SORCS3: variants seen among roughly 807,000 people sequenced by gnomAD.
The protein encoded by SORCS3 is VPS10 domain-containing receptor SorCS3.
Under a neutral mutation model 146.3 loss-of-function variants are expected in SORCS3, and 57 were observed. The observed-to-expected ratio is 0.39, with a 90% confidence interval of 0.31 to 0.49. The LOEUF is 0.49. Among genes scored for constraint, SORCS3 ranks in the 20% least tolerant of loss-of-function variants. The pLI is 0.92. For missense variants in SORCS3, 1,341 were observed against 1,575.5 expected, an observed-to-expected ratio of 0.85 and a Z score of 2.52; for synonymous variants, 653 against 618.5, an observed-to-expected ratio of 1.06 and a Z score of -0.83.
chr10:105,154,215 G>A (rs988021573), intron 9 of SORCS3, among the ~76,000 whole-genome samples: 10 of 152,048 alleles, frequency 6.6e-5, no homozygotes, highest in Non-Finnish European at 1.2e-4. Context: ...GACCTTTATC[G>A]GGCCAGAAGG....
chr10:104,758,329 G>C (rs1223894969), intron 1 of SORCS3, among the ~76,000 whole-genome samples: 3 of 152,160 alleles, frequency 2.0e-5, no homozygotes, highest in African/African-American at 7.2e-5. Flanking sequence ...ATTTTTGCAG[G>C]GGTGGGTGGA....
At chr10:104,672,477 C>G (rs1387743856) in intron 1 of SORCS3, among the ~76,000 whole-genome samples, 1 of 151,860 alleles carries the variant, frequency 6.6e-6, no homozygotes, top group African/African-American at 2.4e-5. Flanking sequence ...CTGTTCTGAC[C>G]TTTATTTTTC....
chr10:104,917,002 A>T (rs190872537), intron 3 of SORCS3, among the ~76,000 whole-genome samples: 1 of 152,308 alleles, frequency 6.6e-6, no homozygotes, highest in East Asian at 1.9e-4. Flanking sequence ...GTGCATCCAT[A>T]GACTTTCTCC....
chr10:105,027,845 G>A (rs537435224), intron 4 of SORCS3, among the ~76,000 whole-genome samples: 1 of 152,306 alleles, frequency 6.6e-6, no homozygotes, highest in African/African-American at 2.4e-5. Flanking sequence ...GATGTCCCTT[G>A]TGGAGAAACA....
chr10:105,183,594 G>C lies in SORCS3; in HGVS notation c.2009+5421G>C, dbSNP rs1023076850. Reference sequence around the variant, plus strand: ...TCTCTGTTGTTTGCTGGAAGAGCCTGATTTTACTTTGCCCAAAGTAAGTCA... The same window carrying C: ...TCTCTGTTGTTTGCTGGAAGAGCCTCATTTTACTTTGCCCAAAGTAAGTCA... On this transcript the variant is annotated intron_variant, in intron 14 of 26. Transcript: ENST00000369701. Among the ~76,000 whole-genome samples, 3 of 152,152 alleles carry C rather than the reference G, an allele frequency of 2.0e-5. No individual in the cohort carries two copies. In the East Asian group the frequency reaches 5.8e-4, roughly 29 times the overall value.
chr10:104,956,962 G>A (rs1405203617), intron 3 of SORCS3, among the ~76,000 whole-genome samples: 6 of 152,048 alleles, frequency 3.9e-5, no homozygotes, highest in Admixed American at 3.9e-4. Context: ...AAGAGTGTAG[G>A]GTGCCCTGAG....
chr10:104,844,530 A>G (rs535149960), intron 2 of SORCS3, among the ~76,000 whole-genome samples: 31 of 152,290 alleles, frequency 2.0e-4, no homozygotes, highest in African/African-American at 7.5e-4. Flanking sequence ...CAGTGTATTC[A>G]TCAGTATGTA....
intron 1 of SORCS3, among the ~76,000 whole-genome samples, chr10:104,758,115 T>A (rs968145047): frequency 2.6e-5 from 4 of 152,162 alleles, no homozygotes; most frequent in African/African-American, 9.7e-5. Context: ...CAGCAATGAA[T>A]AGGACTTGGA....
chr10:104,676,660 T>A (rs1318846590), intron 1 of SORCS3, among the ~76,000 whole-genome samples: 1 of 152,216 alleles, frequency 6.6e-6, no homozygotes, highest in East Asian at 1.9e-4. Context: ...GCTTATTCTT[T>A]CTACTGCACT....
intron 3 of SORCS3, among the ~76,000 whole-genome samples, chr10:104,922,561 G>A (rs1191349102): frequency 2.0e-5 from 3 of 152,210 alleles, no homozygotes; most frequent in African/African-American, 7.2e-5. Context: ...CCAAATGACT[G>A]TTGTCATGTG....
At chr10:104,820,634 C>A (rs1391111568) in intron 1 of SORCS3, among the ~76,000 whole-genome samples, 1 of 152,110 alleles carries the variant, frequency 6.6e-6, no homozygotes, top group Non-Finnish European at 1.5e-5. Flanking sequence ...CCTAATTACT[C>A]TTTTAATTGT....
At chr10:104,950,749 C>T (rs2019420042) in intron 3 of SORCS3, among the ~76,000 whole-genome samples, 1 of 152,180 alleles carries the variant, frequency 6.6e-6, no homozygotes, top group African/African-American at 2.4e-5. Flanking sequence ...CTAGTCTAAT[C>T]TCAGAACTTC....
chr10:104,979,472 C>T (rs2054920595), intron 4 of SORCS3, among the ~76,000 whole-genome samples: 1 of 152,086 alleles, frequency 6.6e-6, no homozygotes, highest in Admixed American at 6.6e-5. Context: ...CACAGAACAA[C>T]CTTGGTTGAA....
At chr10:104,975,838 C>T (rs184637741) in intron 3 of SORCS3, among the ~76,000 whole-genome samples, 29 of 152,150 alleles carry the variant, frequency 1.9e-4, no homozygotes, top group African/African-American at 2.9e-4. Context: ...TAAATGGTGC[C>T]GGGAAAACCG....
At chr10:105,184,200 G>A (rs2056461174) in intron 14 of SORCS3, among the ~76,000 whole-genome samples, 1 of 151,708 alleles carries the variant, frequency 6.6e-6, no homozygotes, top group African/African-American at 2.4e-5. Flanking sequence ...TAGGGCTTTT[G>A]TTGCAACTAT....
Position 105,147,625 on chromosome 10 carries a change from C to T in SORCS3, c.1311C>T (p.His437=), listed in dbSNP as rs1589655287. ...CTTCCATCTTCTTTCAGGACATGCA[C>T]ATCATCAGTACAGACGAGAACCAAG... is the stretch of plus-strand genomic sequence containing the variant. ...LPKYSLPKDM[H]IISTDENQVF... is the part of the protein sequence containing the mutation. Residue 437 remains histidine (H), a synonymous_variant, in exon 9 of 27, where the codon CAC becomes CAT. Transcript: ENST00000369701. The T allele has an allele frequency of 6.2e-7, 1 of 1,609,620 alleles. No individual in the cohort carries two copies. The highest frequency in any genetic ancestry group is 1.1e-5 in the South Asian group (1 of 90,414).
At chr10:105,247,186 C>T (rs748162589) in intron 21 of SORCS3, 33 bp from the exon 22 acceptor site, 2 of 1,312,682 alleles carry the variant, frequency 1.5e-6, no homozygotes, top group South Asian at 1.2e-5. Flanking sequence ...TCTCACTCTC[C>T]CAGCCTCACT....
At chr10:105,152,111 G>A (rs1353171921) in intron 9 of SORCS3, among the ~76,000 whole-genome samples, 3 of 151,954 alleles carry the variant, frequency 2.0e-5, no homozygotes, top group East Asian at 1.9e-4. Flanking sequence ...TCCAACACCC[G>A]CAGTTATACT....
intron 1 of SORCS3, among the ~76,000 whole-genome samples, chr10:104,839,079 A>G (rs77008791): frequency 6.4e-4 from 98 of 152,310 alleles, no homozygotes; most frequent in African/African-American, 2.2e-3. Flanking sequence ...TGATTTACCA[A>G]CACAATATCA....
Sources: allele counts gnomAD v4.1 joint callset (sites outside exome capture counted in the v4.1 genomes callset), GRCh38; gene constraint gnomAD v4.1.1; transcripts MANE v1.5; gene names NCBI Gene and HGNC (gene_info 2026-07-23, HGNC 2026-07-21).